The following ANKRD31 variants were observed in gnomAD, a reference collection of about 807,000 sequenced individuals.
ANKRD31 encodes ankyrin repeat domain 31.
A neutral mutation model predicts 186.0 loss-of-function variants in ANKRD31; 147 were observed. That is an observed-to-expected ratio of 0.79 (90% CI 0.69 to 0.91). The LOEUF is 0.91. ANKRD31 is among the 40% of genes least tolerant of loss of function. ANKRD31 has a pLI of 0.00. For missense variants in ANKRD31, 1,986 were observed against 2,148.8 expected, an observed-to-expected ratio of 0.92 and a Z score of 1.50; for synonymous variants, 673 against 736.4, an observed-to-expected ratio of 0.91 and a Z score of 1.39.
Position 75,146,357 on chromosome 5 carries a change from T to G in ANKRD31, c.3054A>C (p.Thr1018=). The change falls in exon 14 of 26, where the codon ACA becomes ACC. Residue 1018 remains threonine (T), a synonymous_variant. Transcript: ENST00000506364. ...NSLACMRTLL[T]HEASKLTNHV... is the part of the protein sequence containing the mutation. The stretch of plus-strand genomic sequence containing the variant: ...GATTAGTCAACTTTGAAGCCTCATG[T>G]GTCAAAAGTGTTCTCATACAAGCCA... 6.5e-7 allele frequency: 1 copy of G among 1,536,620 alleles called. No individual in the cohort carries two copies. The highest frequency in any genetic ancestry group is 8.7e-7 in the Non-Finnish European group (1 of 1,146,502).
Position 75,218,815 on chromosome 5 carries a change from ATCAAACATAT to A in ANKRD31, c.288+3424_288+3433del, listed in dbSNP as rs1435620552. Among the ~76,000 whole-genome samples the A allele has an allele frequency of 5.3e-5, 8 of 152,308 alleles. No homozygotes were observed. The South Asian group carries it at 1.7e-3, about 32-fold the overall frequency. On this transcript the variant is annotated intron_variant, in intron 3 of 25. Coordinates refer to ENST00000506364, the MANE Select transcript of ANKRD31 (RefSeq NM_001372053.1). ...GTATTCAAATCAATAAATGTGATTCATCAAACATATTCAAACATATTCAAATCAATAAATG... is the reference window on the plus strand; with the variant it reads ...GTATTCAAATCAATAAATGTGATTCATCAAACATATTCAAATCAATAAATG...
At chr5:75,091,537 A>G (rs1580305273) in intron 22 of ANKRD31, 136 bp from the exon 23 acceptor site, 1 of 812,452 alleles carries the variant, frequency 1.2e-6, no homozygotes, top group Non-Finnish European at 1.9e-6. Context: ...AATTTAATGT[A>G]TCTAGAAATG....
chr5:75,079,285 A>G (rs899250045), intron 25 of ANKRD31, among the ~76,000 whole-genome samples: 1 of 152,210 alleles, frequency 6.6e-6, no homozygotes, highest in Non-Finnish European at 1.5e-5. Context: ...ATGTAAACAG[A>G]TTGGATATTG....
chr5:75,210,938 T>C lies in ANKRD31; in HGVS notation c.289-73A>G, dbSNP rs74604788. On this transcript the variant is annotated intron_variant, in intron 3 of 25. Transcript: ENST00000506364. Reference sequence around the variant, plus strand: ...ATGCAACAAGCTAAAAAAATTAACATTTAAAGTAATTTTTGTGTTATTCTT... The same window carrying C: ...ATGCAACAAGCTAAAAAAATTAACACTTAAAGTAATTTTTGTGTTATTCTT... The C allele has an allele frequency of 4.8e-6, 5 of 1,034,256 alleles. No homozygotes were observed. In the African/African-American group the frequency reaches 8.2e-5, roughly 17 times the overall value. The allele number at this position is 1,034,256 out of a possible 1,614,324, so 64.1% of individuals were successfully genotyped here.
chr5:75,073,678 T>C (rs1318656362), intron 25 of ANKRD31, among the ~76,000 whole-genome samples: 1 of 152,244 alleles, frequency 6.6e-6, no homozygotes, highest in Non-Finnish European at 1.5e-5. Flanking sequence ...TTCCCATCAC[T>C]GATCTTTGTC....
At chr5:75,194,724 A>G (rs1335901682) in intron 7 of ANKRD31, among the ~76,000 whole-genome samples, 2 of 152,148 alleles carry the variant, frequency 1.3e-5, no homozygotes, top group Non-Finnish European at 2.9e-5. Flanking sequence ...GCTGACATTG[A>G]AAGATAAACA....
intron 10 of ANKRD31, among the ~76,000 whole-genome samples, chr5:75,180,712 A>G (rs1397507149): frequency 6.6e-6 from 1 of 152,204 alleles, no homozygotes; most frequent in African/African-American, 2.4e-5. Flanking sequence ...TCCCTTCCTT[A>G]CACCTATACA....
In ANKRD31 at chr5:75,105,232, C is replaced by A. The variant is rs1488458841; in HGVS notation, c.4341-14G>T. ...TCTATGGATACCCTATAGGAAGAAA[C>A]AGAAAGAGAAAAAATGCAATAACAG... On this transcript the variant is annotated splice_polypyrimidine_tract_variant and intron_variant, in intron 21 of 25. Transcript: ENST00000506364. The A allele has an allele frequency of 1.4e-6, 2 of 1,454,810 alleles. No homozygotes were observed. Among genetic ancestry groups the A allele is most frequent in the African/African-American group, 1.4e-5 (1 of 69,752 alleles). 90.1% of individuals were successfully genotyped at this position (1,454,810 alleles called of 1,614,324 possible).
intron 25 of ANKRD31, among the ~76,000 whole-genome samples, chr5:75,074,039 C>T (rs1410333053): frequency 6.6e-6 from 1 of 152,138 alleles, no homozygotes; most frequent in African/African-American, 2.4e-5. Flanking sequence ...AAAATCCCAT[C>T]CCCAACTCCA....
chr5:75,187,687 A>C (rs1754831070), intron 10 of ANKRD31, among the ~76,000 whole-genome samples: 1 of 152,160 alleles, frequency 6.6e-6, no homozygotes, highest in Admixed American at 6.6e-5. Context: ...GACATTTAAA[A>C]TAATATCCTG....
At chr5:75,221,222 G>A (rs889504981) in intron 3 of ANKRD31, among the ~76,000 whole-genome samples, 2 of 151,804 alleles carry the variant, frequency 1.3e-5, no homozygotes, top group African/African-American at 4.8e-5. Flanking sequence ...AAACCTGTGG[G>A]GTACTATGCT....
intron 22 of ANKRD31, among the ~76,000 whole-genome samples, chr5:75,096,449 C>T (rs1746325766): frequency 6.6e-6 from 1 of 152,030 alleles, no homozygotes; most frequent in African/African-American, 2.4e-5. Context: ...ATTTTTCTCC[C>T]GTTCTGTAGG....
At chr5:75,156,021 C>T (rs1399165241) in intron 11 of ANKRD31, among the ~76,000 whole-genome samples, 1 of 152,024 alleles carries the variant, frequency 6.6e-6, no homozygotes, top group Admixed American at 6.6e-5. Flanking sequence ...ATTCTTGTGC[C>T]TCAGCCTCCC....
At chr5:75,090,802 T>G (rs544538279) in intron 23 of ANKRD31, among the ~76,000 whole-genome samples, 49 of 152,236 alleles carry the variant, frequency 3.2e-4, no homozygotes, top group Non-Finnish European at 6.3e-4. Context: ...TAAAAATACA[T>G]GATAATATCT....
intron 17 of ANKRD31, among the ~76,000 whole-genome samples, chr5:75,119,782 C>G (rs1467167711): frequency 1.3e-5 from 2 of 152,142 alleles, no homozygotes; most frequent in African/African-American, 4.8e-5. Flanking sequence ...TAAATAATAG[C>G]CATTCTGACT....
intron 11 of ANKRD31, among the ~76,000 whole-genome samples, chr5:75,155,780 C>A (rs968632166): frequency 5.9e-5 from 9 of 152,000 alleles, no homozygotes; most frequent in Non-Finnish European, 1.0e-4. Context: ...AGCATCCTAG[C>A]CTACTAAAGT....
rs796443603 is a variant in ANKRD31 at position 75,175,227 on chromosome 5, C to T, written c.1565-6106G>A. Among the ~76,000 whole-genome samples, 225 of 152,090 alleles carry T rather than the reference C, an allele frequency of 1.5e-3. 1 individual carries two copies. The highest frequency in any genetic ancestry group is 5.3e-3 in the African/African-American group (218 of 41,514). ...GGGAACATCACACACTGAGGCCTGT[C>T]GGGTCGGGCAGTTGCCTGGGGGAGG... On this transcript the variant is annotated intron_variant, in intron 10 of 25. Transcript: ENST00000506364.
chr5:75,093,005 T>C (rs560094170), intron 22 of ANKRD31, among the ~76,000 whole-genome samples: 10 of 152,096 alleles, frequency 6.6e-5, no homozygotes, highest in African/African-American at 1.9e-4. Flanking sequence ...AGATTTAAAC[T>C]GGCAAGAGAA....
intron 17 of ANKRD31, among the ~76,000 whole-genome samples, chr5:75,124,048 T>C (rs1042188981): frequency 1.4e-4 from 21 of 152,016 alleles, no homozygotes; most frequent in African/African-American, 5.1e-4. Context: ...GGGACTAATA[T>C]CCAGAATTTA....
Sources: allele counts gnomAD v4.1 joint callset (sites outside exome capture counted in the v4.1 genomes callset), GRCh38; gene constraint gnomAD v4.1.1; transcripts MANE v1.5; gene names NCBI Gene and HGNC (gene_info 2026-07-23, HGNC 2026-07-21).